Variants in PACRG observed in about 807,000 individuals in gnomAD.
PACRG encodes parkin coregulated.
PACRG carries 29 observed loss-of-function variants against 29.7 expected under a neutral mutation model. The ratio of observed to expected loss-of-function variants is 0.98; its 90% confidence interval spans 0.73 to 1.33. The LOEUF is 1.33. Ranked by LOEUF, PACRG falls within the 40% of genes most tolerant of loss-of-function variation. The pLI, the probability that PACRG is intolerant of heterozygous loss-of-function variation, is 0.00. For synonymous variants in PACRG, 116 were observed against 118.7 expected (o/e 0.98, Z 0.15); for missense variants, 279 against 316.2 (o/e 0.88, Z 0.89).
intron 2 of PACRG, among the ~76,000 whole-genome samples, chr6:162,921,521 G>T (rs1177307095): frequency 1.3e-5 from 2 of 152,074 alleles, no homozygotes; most frequent in African/African-American, 4.8e-5. Context: ...ATTATCCAGG[G>T]AACTTTGAAA....
chr6:162,773,588 C>T (rs1325541388), intron 1 of PACRG, among the ~76,000 whole-genome samples: 2 of 140,238 alleles, frequency 1.4e-5, no homozygotes, highest in Non-Finnish European at 3.0e-5. Context: ...AATCTCGGCT[C>T]ACTGCAAGCT....
chr6:163,037,211 T>C (rs1191509128), intron 2 of PACRG, among the ~76,000 whole-genome samples: 1 of 152,060 alleles, frequency 6.6e-6, no homozygotes, highest in East Asian at 1.9e-4. Flanking sequence ...CGTCCGAGGG[T>C]CTCAGGGCTT....
At chr6:162,844,438 C>T (rs545321919) in intron 2 of PACRG, among the ~76,000 whole-genome samples, 22 of 152,352 alleles carry the variant, frequency 1.4e-4, no homozygotes, top group African/African-American at 4.8e-4. Flanking sequence ...GAGGCAATGC[C>T]TCGCCCTGCT....
chr6:162,888,349 A>G (rs750244903), intron 2 of PACRG, among the ~76,000 whole-genome samples: 14 of 152,096 alleles, frequency 9.2e-5, no homozygotes, highest in Non-Finnish European at 8.8e-5. Flanking sequence ...AACCTAAGAC[A>G]TGAGGCCTCC....
intron 2 of PACRG, chr6:162,957,533 G>T (rs1301313736): frequency 3.0e-6 from 1 of 328,988 alleles, no homozygotes; most frequent in Non-Finnish European, 5.9e-6. Flanking sequence ...AGTTTTGCTA[G>T]AGCTGTATTG....
intron 4 of PACRG, among the ~76,000 whole-genome samples, chr6:163,230,619 A>G (rs968442314): frequency 7.0e-5 from 10 of 143,162 alleles, no homozygotes; most frequent in Non-Finnish European, 1.4e-4. Context: ...TTTAAGACTT[A>G]TTTGACGTGT....
At chr6:163,228,802 T>C (rs1196866595) in intron 4 of PACRG, among the ~76,000 whole-genome samples, 2 of 152,220 alleles carry the variant, frequency 1.3e-5, no homozygotes, top group African/African-American at 4.8e-5. Flanking sequence ...CACATAAGTC[T>C]TAAAGGTCGC....
chr6:163,224,594 T>C (rs1445009506), intron 4 of PACRG, among the ~76,000 whole-genome samples: 3 of 151,974 alleles, frequency 2.0e-5, no homozygotes, highest in African/African-American at 7.2e-5. Context: ...GAAGGGACAG[T>C]CTCTTCAATA....
intron 1 of PACRG, among the ~76,000 whole-genome samples, chr6:162,737,470 C>A (rs937792610): frequency 6.6e-6 from 1 of 152,118 alleles, no homozygotes; most frequent in Non-Finnish European, 1.5e-5. Flanking sequence ...TCAATTTTCC[C>A]AAAGACATTT....
intron 2 of PACRG, among the ~76,000 whole-genome samples, chr6:162,959,410 G>T (rs1266339783): frequency 6.6e-6 from 1 of 152,080 alleles, no homozygotes; most frequent in Non-Finnish European, 1.5e-5. Flanking sequence ...ACTCTGTGGA[G>T]GAGACCTGCC....
intron 3 of PACRG, among the ~76,000 whole-genome samples, chr6:163,082,531 T>C (rs1266793320): frequency 1.3e-5 from 2 of 152,200 alleles, no homozygotes; most frequent in African/African-American, 2.4e-5. Context: ...GCACTGTATA[T>C]TGATAATTTT....
intron 2 of PACRG, among the ~76,000 whole-genome samples, chr6:162,947,568 ATAC>A (rs1799234541): frequency 1.1e-5 from 1 of 90,728 alleles, no homozygotes; most frequent in Non-Finnish European, 2.1e-5. Context: ...TCATATATAT[ATAC>A]TCATATATAA....
chr6:162,938,962 C>T (rs1207565666), intron 2 of PACRG, among the ~76,000 whole-genome samples: 1 of 152,104 alleles, frequency 6.6e-6, no homozygotes, highest in Non-Finnish European at 1.5e-5. Flanking sequence ...TGTCTATTTA[C>T]TCTGCTGACT....
chr6:162,877,980 T>C (rs1316722412), intron 2 of PACRG, among the ~76,000 whole-genome samples: 3 of 152,216 alleles, frequency 2.0e-5, no homozygotes, highest in African/African-American at 7.2e-5. Context: ...TACAACATTA[T>C]TTTTGGAGCT....
At chr6:162,936,735 TATC>T (rs1798258742) in intron 2 of PACRG, among the ~76,000 whole-genome samples, 1 of 152,160 alleles carries the variant, frequency 6.6e-6, no homozygotes, top group Non-Finnish European at 1.5e-5. Flanking sequence ...CTTTAACAAT[TATC>T]ATGGTATTAA....
chr6:163,255,596 A>G (rs921184864), intron 4 of PACRG, among the ~76,000 whole-genome samples: 2 of 152,106 alleles, frequency 1.3e-5, no homozygotes, highest in Non-Finnish European at 2.9e-5. Context: ...TCACCTGGGA[A>G]CAACAACAGG....
At chr6:163,008,662 C>T (rs960051382) in intron 2 of PACRG, among the ~76,000 whole-genome samples, 3 of 147,896 alleles carry the variant, frequency 2.0e-5, no homozygotes, top group Admixed American at 1.4e-4. Flanking sequence ...TCTCGCCATC[C>T]GAGATAGCGG....
At chr6:162,804,575 CTTA>C (rs1342495721) in intron 1 of PACRG, among the ~76,000 whole-genome samples, 1 of 152,048 alleles carries the variant, frequency 6.6e-6, no homozygotes, top group Non-Finnish European at 1.5e-5. Context: ...GGGTTTTGTT[CTTA>C]TTCTTGATGC....
In PACRG at chr6:163,239,687, C is replaced by G. The variant is rs114202539; in HGVS notation, c.614-75140C>G. Among the ~76,000 whole-genome samples, 666 of 144,200 alleles carry G rather than the reference C, an allele frequency of 4.6e-3. 3 individuals carry two copies. The highest frequency in any genetic ancestry group is 0.017 in the African/African-American group (647 of 38,514). 94.6% of individuals were successfully genotyped at this position (144,200 alleles called of 152,430 possible). ...CCCACACCCCCCACCCCTACACACACACGCACACTCCCACATACACACACA... is the reference window on the plus strand; with the variant it reads ...CCCACACCCCCCACCCCTACACACAGACGCACACTCCCACATACACACACA... On this transcript the variant is annotated intron_variant, in intron 4 of 4. Transcript: ENST00000366888.
Sources: allele counts gnomAD v4.1 joint callset (sites outside exome capture counted in the v4.1 genomes callset), GRCh38; gene constraint gnomAD v4.1.1; transcripts MANE v1.5; gene names NCBI Gene and HGNC (gene_info 2026-07-23, HGNC 2026-07-21).